NBAS: variants seen among roughly 807,000 people sequenced by gnomAD.
The protein encoded by NBAS is NBAS subunit of NRZ tethering complex.
NBAS carries 219 observed loss-of-function variants against 302.5 expected under a neutral mutation model. That is an observed-to-expected ratio of 0.72 (90% CI 0.65 to 0.81). The LOEUF is 0.81. Ranked by LOEUF, NBAS falls within the 30% of genes least tolerant of loss-of-function variation. NBAS has a pLI of 0.00. For synonymous variants in NBAS, 1,118 were observed against 1,021.6 expected (o/e 1.09, Z -1.80); for missense variants, 2,932 against 2,841.6 (o/e 1.03, Z -0.72).
At chr2:15,460,858 A>G (rs7560524) in intron 21 of NBAS, among the ~76,000 whole-genome samples, 5,359 of 152,262 alleles carry the variant, frequency 0.035, 330 homozygotes, top group African/African-American at 0.12. Flanking sequence ...CCCACCTAAT[A>G]CTGTCAAAAA....
chr2:14,975,656 T>C, the NBAS span, among the ~76,000 whole-genome samples: 1 of 152,180 alleles, frequency 6.6e-6, no homozygotes, highest in East Asian at 1.9e-4. Context: ...CTTGCATTTC[T>C]GAATATCATG....
chr2:15,106,898 G>T, the NBAS span, among the ~76,000 whole-genome samples: 1 of 152,074 alleles, frequency 6.6e-6, no homozygotes, highest in East Asian at 1.9e-4. Context: ...TTTGAGAATT[G>T]GTATAAAACA....
intron 38 of NBAS, among the ~76,000 whole-genome samples, chr2:15,323,988 T>C (rs1161022466): frequency 6.6e-6 from 1 of 150,538 alleles, no homozygotes; most frequent in Non-Finnish European, 1.5e-5. Context: ...TTCTAAAGTA[T>C]AACCAGGAAG....
chr2:15,204,066 A>C (rs1420952426), intron 48 of NBAS, among the ~76,000 whole-genome samples: 2 of 152,080 alleles, frequency 1.3e-5, no homozygotes, highest in African/African-American at 4.8e-5. Context: ...GTTTGAGTCC[A>C]GCCTGAGCAA....
chr2:15,178,856 T>C, intron 51 of NBAS, 132 bp downstream of exon 51: 1 of 1,282,062 alleles, frequency 7.8e-7, no homozygotes, highest in Non-Finnish European at 1.1e-6. Context: ...ACAGCTATTG[T>C]GGTCAGAGAA....
chr2:14,974,858 G>A, the NBAS span, among the ~76,000 whole-genome samples: 5 of 152,174 alleles, frequency 3.3e-5, no homozygotes, highest in African/African-American at 1.2e-4. Flanking sequence ...ATAGTTGTCT[G>A]GATGGATCTA....
chr2:15,297,238 A>G (rs1353897342), intron 40 of NBAS, among the ~76,000 whole-genome samples: 1 of 152,180 alleles, frequency 6.6e-6, no homozygotes, highest in East Asian at 1.9e-4. Flanking sequence ...TCCCATGCAT[A>G]ATGCTTCCTA....
intron 14 of NBAS, among the ~76,000 whole-genome samples, chr2:15,474,707 C>T (rs1680113729): frequency 6.6e-6 from 1 of 152,008 alleles, no homozygotes. Context: ...ATTACAGGCA[C>T]CCGCCACCAC....
At chr2:14,992,242 A>G in the NBAS span, among the ~76,000 whole-genome samples, 1 of 152,144 alleles carries the variant, frequency 6.6e-6, no homozygotes, top group Non-Finnish European at 1.5e-5. Flanking sequence ...CTCATAACAG[A>G]GTCTTCAGGG....
chr2:14,793,899 A>C, the NBAS span, among the ~76,000 whole-genome samples: 1 of 152,312 alleles, frequency 6.6e-6, no homozygotes, highest in South Asian at 2.1e-4. Flanking sequence ...AAAAGGCACA[A>C]TATTTTACGA....
chr2:15,542,066 G>A (rs1472513686), intron 6 of NBAS, among the ~76,000 whole-genome samples: 59 of 81,426 alleles, frequency 7.2e-4, no homozygotes, highest in African/African-American at 2.4e-3. Flanking sequence ...GCCTCTGCCC[G>A]GCCGCCCCTA....
chr2:15,457,305 T>C (rs1172576508), intron 21 of NBAS, among the ~76,000 whole-genome samples: 1 of 152,038 alleles, frequency 6.6e-6, no homozygotes. Flanking sequence ...ACTTGCAAAA[T>C]ATAAGTGGAG....
At chr2:15,311,837 C>T (rs1427084312) in intron 38 of NBAS, among the ~76,000 whole-genome samples, 1 of 152,116 alleles carries the variant, frequency 6.6e-6, no homozygotes, top group Non-Finnish European at 1.5e-5. Flanking sequence ...CAAATCATCT[C>T]GGTGTTAGAA....
chr2:15,387,132 A>G (rs1280545818), intron 28 of NBAS, among the ~76,000 whole-genome samples: 1 of 150,638 alleles, frequency 6.6e-6, no homozygotes, highest in Non-Finnish European at 1.5e-5. Context: ...CAGTGGTGCA[A>G]TCTCAGCTCA....
At chr2:15,054,646 G>T in the NBAS span, among the ~76,000 whole-genome samples, 16 of 152,278 alleles carry the variant, frequency 1.1e-4, 1 homozygote, top group African/African-American at 3.6e-4. Flanking sequence ...CAGCATCTCT[G>T]TATCCTTCAG....
the NBAS span, among the ~76,000 whole-genome samples, chr2:15,156,745 C>A: frequency 1.3e-5 from 2 of 152,274 alleles, no homozygotes; most frequent in East Asian, 1.9e-4. Context: ...ACAGCAAAAG[C>A]TAAACTGGAC....
intron 40 of NBAS, among the ~76,000 whole-genome samples, chr2:15,297,769 T>G (rs1226380501): frequency 6.6e-6 from 1 of 152,228 alleles, no homozygotes; most frequent in African/African-American, 2.4e-5. Context: ...TGACAGATTT[T>G]CAATGATAGA....
At chr2:14,959,838 G>C in the NBAS span, among the ~76,000 whole-genome samples, 3 of 152,138 alleles carry the variant, frequency 2.0e-5, no homozygotes, top group East Asian at 5.8e-4. Context: ...CCCCCAGGCA[G>C]TTAATATTTC....
chr2:15,470,018 T>A (rs1343746877), intron 16 of NBAS, among the ~76,000 whole-genome samples: 2 of 151,782 alleles, frequency 1.3e-5, no homozygotes, highest in Non-Finnish European at 2.9e-5. Context: ...AAAAAAAAAA[T>A]CCCTGACTTG....
Sources: gnomAD v4.1 joint callset for allele counts (sites outside exome capture counted in the v4.1 genomes callset) on GRCh38, gnomAD v4.1.1 for gene constraint, MANE v1.5 for transcripts, NCBI Gene and HGNC (gene_info 2026-07-23, HGNC 2026-07-21) for gene names.